Variants in AGBL4 observed in about 807,000 individuals in gnomAD.
The protein encoded by AGBL4 is cytosolic carboxypeptidase 6.
Under a neutral mutation model 66.4 loss-of-function variants are expected in AGBL4, and 58 were observed. The observed-to-expected ratio is 0.87, with a 90% CI of 0.71 to 1.09. The LOEUF (loss-of-function observed/expected upper bound fraction) is 1.09, where lower values mean the gene tolerates loss of function less well. AGBL4 is among the 50% of genes least tolerant of loss of function. The pLI is 0.00. For missense variants in AGBL4, 579 were observed against 631.0 expected (o/e 0.92, Z 0.88); for synonymous variants, 234 against 222.9 (o/e 1.05, Z -0.44).
chr1:48,672,484 A>G (rs889801169), intron 6 of AGBL4, among the ~76,000 whole-genome samples: 1 of 152,250 alleles, frequency 6.6e-6, no homozygotes, highest in Admixed American at 6.5e-5. Flanking sequence ...GTCAAGGAAC[A>G]TAAATTCAGC....
intron 1 of AGBL4, among the ~76,000 whole-genome samples, chr1:50,004,541 C>T (rs1660992946): frequency 6.6e-6 from 1 of 152,134 alleles, no homozygotes; most frequent in South Asian, 2.1e-4. Flanking sequence ...AGAAGGAAGG[C>T]TCAAGAGGAA....
At chr1:49,875,070 G>C (rs1243687718) in intron 1 of AGBL4, among the ~76,000 whole-genome samples, 1 of 147,596 alleles carries the variant, frequency 6.8e-6, no homozygotes, top group African/African-American at 2.5e-5. Context: ...GTGAGAATAT[G>C]TGGTATTTGG....
intron 3 of AGBL4, among the ~76,000 whole-genome samples, chr1:49,531,001 A>G (rs1374677760): frequency 1.3e-5 from 2 of 152,152 alleles, no homozygotes; most frequent in Non-Finnish European, 2.9e-5. Flanking sequence ...GTCAATACCT[A>G]GCACAGAGCA....
At chr1:49,887,355 A>AGGTAAC (rs1262496242) in intron 1 of AGBL4, among the ~76,000 whole-genome samples, 1 of 151,742 alleles carries the variant, frequency 6.6e-6, no homozygotes, top group Admixed American at 6.6e-5. Flanking sequence ...TTTAGAAAAA[A>AGGTAAC]GGTAACATGA....
chr1:49,441,499 G>A (rs1646029027), intron 3 of AGBL4, among the ~76,000 whole-genome samples: 2 of 152,206 alleles, frequency 1.3e-5, no homozygotes, highest in Admixed American at 1.3e-4. Context: ...AGATCCAAAT[G>A]TTTAGGGAGA....
At position 49,750,184 on chromosome 1, in the gene AGBL4, G is replaced by A. The variant is rs114649192; in HGVS notation, c.158-52747C>T. The stretch of plus-strand genomic sequence containing the variant: ...AACATGTGTAGAAGAAAATATACAA[G>A]AGCGGTATTACCTAGGTTTTCTTCT... On this transcript the variant is annotated intron_variant, in intron 2 of 13. Transcript: ENST00000371839. 3.7e-3 allele frequency among the ~76,000 whole-genome samples: 557 copies of A among 152,138 alleles called. 4 individuals carry two copies. The highest frequency in any genetic ancestry group is 0.013 in the African/African-American group (546 of 41,528).
At chr1:49,713,258 T>C (rs1228849531) in intron 2 of AGBL4, among the ~76,000 whole-genome samples, 2 of 152,062 alleles carry the variant, frequency 1.3e-5, no homozygotes, top group Non-Finnish European at 2.9e-5. Context: ...ATGGATTTCA[T>C]TTTAAAAGAC....
intron 6 of AGBL4, among the ~76,000 whole-genome samples, chr1:48,812,219 T>C (rs968462841): frequency 9.9e-5 from 15 of 152,128 alleles, no homozygotes; most frequent in African/African-American, 3.6e-4. Flanking sequence ...AGTTGTCCAG[T>C]GAAAACTACA....
intron 3 of AGBL4, among the ~76,000 whole-genome samples, chr1:49,435,638 T>C (rs1645887966): frequency 6.6e-6 from 1 of 152,184 alleles, no homozygotes. Flanking sequence ...TCTTAAGGAC[T>C]TCTGAAAATA....
intron 6 of AGBL4, chr1:48,759,354 TC>T: frequency 6.7e-7 from 1 of 1,500,058 alleles, no homozygotes. Flanking sequence ...GATCAATATT[TC>T]CCCAGACAAT....
Position 48,814,248 on chromosome 1 carries a change from T to C in AGBL4, c.634+52943A>G, listed in dbSNP as rs192227092. On this transcript the variant is annotated intron_variant, in intron 6 of 13. Transcript: ENST00000371839. ...TTAAACCTCACTGGTGTAATTTACTTGCTAACATTAACATTTAAGGACTTC... is the reference window on the plus strand; with the variant it reads ...TTAAACCTCACTGGTGTAATTTACTCGCTAACATTAACATTTAAGGACTTC... Among the ~76,000 whole-genome samples the C allele has an allele frequency of 1.5e-3, 229 of 152,276 alleles. 2 individuals carry two copies. The highest frequency in any genetic ancestry group is 2.0e-3 in the Non-Finnish European group (137 of 68,024).
chr1:49,290,289 G>A (rs1156577107), intron 3 of AGBL4, among the ~76,000 whole-genome samples: 2 of 152,178 alleles, frequency 1.3e-5, no homozygotes, highest in Non-Finnish European at 2.9e-5. Flanking sequence ...AGACTTCTGG[G>A]TTGGGTTTAG....
At position 49,750,263 on chromosome 1, in the gene AGBL4, A is replaced by G. The variant is rs374363712; in HGVS notation, c.158-52826T>C. 3.3e-5 allele frequency among the ~76,000 whole-genome samples: 5 copies of G among 152,222 alleles called. No homozygotes were observed. The South Asian group carries it at 1.0e-3, about 32-fold the overall frequency. ...TTAAATCTTTAATCATCTTGAGTTA[A>G]TTTTTGTATAAGGTGTAGGGAAGGG... On this transcript the variant is annotated intron_variant, in intron 2 of 13. Transcript: ENST00000371839.
At chr1:49,386,706 A>T (rs1049704158) in intron 3 of AGBL4, among the ~76,000 whole-genome samples, 4 of 152,026 alleles carry the variant, frequency 2.6e-5, no homozygotes, top group African/African-American at 9.7e-5. Context: ...TGAAGTATTT[A>T]TCAGCTCAGA....
At chr1:49,282,222 C>T (rs933862949) in intron 3 of AGBL4, among the ~76,000 whole-genome samples, 4 of 152,044 alleles carry the variant, frequency 2.6e-5, no homozygotes, top group African/African-American at 7.3e-5. Context: ...AGTAGGAAAA[C>T]CTACTTTTTT....
chr1:48,637,278 G>C (rs1645682714), intron 8 of AGBL4, among the ~76,000 whole-genome samples: 1 of 152,198 alleles, frequency 6.6e-6, no homozygotes, highest in South Asian at 2.1e-4. Flanking sequence ...CAGTGGTCAG[G>C]GATGACCTCT....
rs368742107 is a variant in AGBL4, at chr1:49,065,960, C to T, written c.378-20160G>A. On this transcript the variant is annotated intron_variant, in intron 4 of 13. Coordinates refer to ENST00000371839, the MANE Select transcript of AGBL4 (RefSeq NM_032785.4). ...GATGGTTCTGACAGTAGGGTGGTTA[C>T]AATCCTTCTCCTTAAGCCTATCTTC... is the stretch of plus-strand genomic sequence containing the variant. Among the ~76,000 whole-genome samples, 38 of 152,238 alleles carry T rather than the reference C, an allele frequency of 2.5e-4. 1 individual carries two copies. The highest frequency in any genetic ancestry group is 9.1e-4 in the African/African-American group (38 of 41,540).
At chr1:48,828,045 A>C (rs560012401) in intron 6 of AGBL4, among the ~76,000 whole-genome samples, 1 of 95,754 alleles carries the variant, frequency 1.0e-5, no homozygotes, top group South Asian at 4.8e-4. Flanking sequence ...CACACACACA[A>C]ATTAGCCGGG....
intron 2 of AGBL4, among the ~76,000 whole-genome samples, chr1:49,747,271 T>C (rs1651060381): frequency 6.6e-6 from 1 of 152,204 alleles, no homozygotes; most frequent in South Asian, 2.1e-4. Flanking sequence ...CCTTTGCTCA[T>C]TGTTGACTCA....
Sources: allele counts gnomAD v4.1 joint callset (sites outside exome capture counted in the v4.1 genomes callset), GRCh38; gene constraint gnomAD v4.1.1; transcripts MANE v1.5; gene names NCBI Gene and HGNC (gene_info 2026-07-23, HGNC 2026-07-21).